The following DNAH17 variants were observed in gnomAD, a reference collection of about 807,000 sequenced individuals.
The protein encoded by DNAH17 is dynein axonemal heavy chain 17.
Under a neutral mutation model 485.6 loss-of-function variants are expected in DNAH17, and 376 were observed. That is an observed-to-expected ratio of 0.77 (90% confidence interval 0.71 to 0.84). The LOEUF is 0.84. DNAH17 is among the 40% of genes least tolerant of loss of function. The pLI is 0.00. For missense variants in DNAH17, 6,370 were observed against 5,839.3 expected (o/e 1.09, Z -2.96); for synonymous variants, 3,031 against 2,405.9 (o/e 1.26, Z -7.60).
rs977055340 is a variant in DNAH17 at position 78,492,609 on chromosome 17, C to T, written c.6541+24G>A. On this transcript the variant is annotated intron_variant, in intron 42 of 80. Coordinates refer to ENST00000389840, the MANE Select transcript of DNAH17 (RefSeq NM_173628.4). ...ACTGGACCAGGAGTGCCCCTGCAGCCTGTCCCGGGACCACCCTCGTTACCA... is the reference window on the plus strand; with the variant it reads ...ACTGGACCAGGAGTGCCCCTGCAGCTTGTCCCGGGACCACCCTCGTTACCA... The T allele has an allele frequency of 1.9e-6, 3 of 1,612,388 alleles. No individual in the cohort carries two copies. The Admixed American group carries it at 5.0e-5, about 27-fold the overall frequency.
intron 24 of DNAH17, among the ~76,000 whole-genome samples, chr17:78,525,536 T>C (rs951147724): frequency 1.7e-4 from 26 of 152,388 alleles, no homozygotes; most frequent in Admixed American, 1.6e-3. Context: ...ATAATTCAGA[T>C]AAGCAAAGAG....
chr17:78,502,971 G>C lies in DNAH17; in HGVS notation c.4997C>G (p.Ser1666Cys), dbSNP rs749588811. The change falls in exon 32 of 81, where the codon TCT becomes TGT. Residue 1666 changes from serine (S) to cysteine (C), a missense_variant. Coordinates refer to ENST00000389840, the MANE Select transcript of DNAH17 (RefSeq NM_173628.4). ...WLNRVLDRMC[S>C]TLRHEIPEAV... ...CTCTGGGATTTCGTGCCGGAGGGTA[G>C]AGCACATTCGGTCCAGCACTCGATT... The C allele has an allele frequency of 1.2e-6, 2 of 1,613,904 alleles. No individual in the cohort carries two copies. The highest frequency in any genetic ancestry group is 4.5e-5 in the East Asian group (2 of 44,880).
At chr17:78,458,831 C>A in intron 61 of DNAH17, 151 bp from the exon 62 acceptor site, 1 of 1,011,676 alleles carries the variant, frequency 9.9e-7, no homozygotes. Flanking sequence ...GCTAAGGACA[C>A]CAAGCGGCTC....
At chr17:78,495,827 G>A (rs1194132084) in intron 38 of DNAH17, 48 bp downstream of exon 38, 1 of 1,584,234 alleles carries the variant, frequency 6.3e-7, no homozygotes, top group Non-Finnish European at 8.6e-7. Context: ...ACGTTGCTGT[G>A]GCCGGCCTGG....
chr17:78,428,440 G>A (rs1269848653), intron 77 of DNAH17, 85 bp downstream of exon 77: 5 of 1,491,832 alleles, frequency 3.4e-6, no homozygotes, highest in African/African-American at 1.4e-5. Flanking sequence ...AAGTTCCCCT[G>A]TACTGCCGCC....
chr17:78,476,599 G>A lies in DNAH17; in HGVS notation c.8127C>T (p.Thr2709=), dbSNP rs367653257. The A allele has an allele frequency of 1.1e-5, 18 of 1,610,908 alleles. No homozygotes were observed. The highest frequency in any genetic ancestry group is 3.4e-5 in the Admixed American group (2 of 59,516). ...CAAAGAACTTCTTGGTGGAGGCCAT[G>A]GTGACTCTATGCAATGTTTCCTGGT... ...EKDQETLHRV[T]MASTKKFFDD... Residue 2709 remains threonine (T), a synonymous_variant, in exon 52 of 81, where the codon ACC becomes ACT. Transcript: ENST00000389840.
At chr17:78,515,583 T>C (rs542956911) in intron 25 of DNAH17, among the ~76,000 whole-genome samples, 71 of 152,384 alleles carry the variant, frequency 4.7e-4, no homozygotes, top group African/African-American at 1.6e-3. Flanking sequence ...GCCCTGCTGT[T>C]GCTGGCCAGG....
intron 30 of DNAH17, 40 bp downstream of exon 30, chr17:78,506,680 A>G (rs757972236): frequency 6.2e-7 from 1 of 1,612,942 alleles, no homozygotes; most frequent in East Asian, 2.2e-5. Flanking sequence ...GTCTGGCATG[A>G]TGTTGGCTTA....
chr17:78,568,551 T>A (rs373867437), intron 9 of DNAH17, among the ~76,000 whole-genome samples: 105 of 146,024 alleles, frequency 7.2e-4, no homozygotes, highest in African/African-American at 2.8e-3. Flanking sequence ...TCTTGATCCC[T>A]CTCATCTCTT....
chr17:78,572,587 C>G, intron 3 of DNAH17, 114 bp downstream of exon 3: 2 of 1,010,994 alleles, frequency 2.0e-6, no homozygotes, highest in Non-Finnish European at 2.8e-6. Context: ...ACATGTGAAG[C>G]CACTCTGCAG....
rs2086395710 is a variant in DNAH17 at position 78,425,349 on chromosome 17, C to T, written c.13138G>A (p.Glu4380Lys). 6.2e-7 allele frequency: 1 copy of T among 1,613,762 alleles called. No homozygotes were observed. The highest frequency in any genetic ancestry group is 8.5e-7 in the Non-Finnish European group (1 of 1,179,740). Reference protein sequence around the residue: ...EGSYVYGLFMEGARWDTQTGV... With the variant: ...EGSYVYGLFMKGARWDTQTGV... ...GACAGACAAGAGCCCTCCTTACCTT[C>T]CATGAAGAGTCCGTACACGTAGGAG... is the stretch of plus-strand genomic sequence containing the variant. Residue 4380 changes from glutamate to lysine, a missense_variant, in exon 80 of 81, where the codon GAA becomes AAA. Glu to Lys is a moderately conservative substitution (Grantham distance 56, BLOSUM62 1). Coordinates refer to ENST00000389840, the MANE Select transcript of DNAH17 (RefSeq NM_173628.4).
chr17:78,557,621 AGAGT>A (rs2092053067), intron 14 of DNAH17, among the ~76,000 whole-genome samples: 1 of 130,592 alleles, frequency 7.7e-6, no homozygotes, highest in Admixed American at 8.3e-5. Context: ...CCTGGGTGAC[AGAGT>A]GAGACTGTCT....
chr17:78,431,348 G>GC (rs2086663930), intron 75 of DNAH17, among the ~76,000 whole-genome samples: 3 of 152,062 alleles, frequency 2.0e-5, no homozygotes, highest in African/African-American at 7.3e-5. Flanking sequence ...GAAGACCTGT[G>GC]CCCCTCTCCC....
chr17:78,543,307 G>A (rs544125967), intron 17 of DNAH17, among the ~76,000 whole-genome samples: 80 of 148,096 alleles, frequency 5.4e-4, no homozygotes, highest in African/African-American at 1.6e-3. Flanking sequence ...TTTTTGAGAC[G>A]GAGTCTCGCT....
At chr17:78,471,911 T>A (rs1412979739) in intron 54 of DNAH17, among the ~76,000 whole-genome samples, 1 of 152,172 alleles carries the variant, frequency 6.6e-6, no homozygotes, top group Non-Finnish European at 1.5e-5. Flanking sequence ...GATGGCCGCC[T>A]CATCCCCAGG....
chr17:78,450,543 C>G (rs1194860514), intron 67 of DNAH17, 139 bp downstream of exon 67: 1 of 1,416,870 alleles, frequency 7.1e-7, no homozygotes, highest in African/African-American at 1.4e-5. Context: ...GCCCAGACCC[C>G]TTCTCCTGCC....
intron 43 of DNAH17, among the ~76,000 whole-genome samples, chr17:78,491,052 C>T (rs763891299): frequency 5.3e-5 from 8 of 152,200 alleles, no homozygotes; most frequent in Non-Finnish European, 1.0e-4. Context: ...ACGCCCACAC[C>T]GTGAGGGCTG....
At chr17:78,505,224 G>A in intron 31 of DNAH17, 69 bp downstream of exon 31, 1 of 1,578,826 alleles carries the variant, frequency 6.3e-7, no homozygotes, top group South Asian at 1.1e-5. Context: ...CGCCATCTGA[G>A]GGCGTGTGGC....
At chr17:78,490,912 G>A in intron 43 of DNAH17, 65 bp from the exon 44 acceptor site, 1 of 1,493,076 alleles carries the variant, frequency 6.7e-7, no homozygotes, top group Middle Eastern at 2.2e-4. Flanking sequence ...GGTGTTCTGG[G>A]GTGGGGGTTA....
Sources: allele counts gnomAD v4.1 joint callset (sites outside exome capture counted in the v4.1 genomes callset), GRCh38; gene constraint gnomAD v4.1.1; transcripts MANE v1.5; gene names NCBI Gene and HGNC (gene_info 2026-07-23, HGNC 2026-07-21).